ARHGAP44: variants seen among roughly 807,000 people sequenced by gnomAD.
The protein encoded by ARHGAP44 is rho GTPase-activating protein 44.
Under a neutral mutation model 106.8 loss-of-function variants are expected in ARHGAP44, and 43 were observed. That is an observed-to-expected ratio of 0.40 (90% CI 0.32 to 0.52). The LOEUF is 0.52. Ranked by LOEUF, ARHGAP44 falls within the 20% of genes least tolerant of loss-of-function variation. The pLI is 0.48. For synonymous variants in ARHGAP44, 439 were observed against 410.3 expected, an observed-to-expected ratio of 1.07 and a Z score of -0.85; for missense variants, 866 against 1,050.5, an observed-to-expected ratio of 0.82 and a Z score of 2.43.
intron 1 of ARHGAP44, among the ~76,000 whole-genome samples, chr17:12,867,618 C>T (rs2036270587): frequency 6.6e-6 from 1 of 152,136 alleles, no homozygotes; most frequent in Admixed American, 6.5e-5. Flanking sequence ...AAGGACAGTA[C>T]CCAGAACATT....
intron 1 of ARHGAP44, among the ~76,000 whole-genome samples, chr17:12,819,297 T>G (rs1009644110): frequency 6.6e-6 from 1 of 152,132 alleles, no homozygotes; most frequent in Non-Finnish European, 1.5e-5. Flanking sequence ...TTTAAGTATT[T>G]TGTTGCTCAA....
At chr17:12,916,604 C>T (rs1189871838) in intron 5 of ARHGAP44, among the ~76,000 whole-genome samples, 5 of 152,282 alleles carry the variant, frequency 3.3e-5, no homozygotes, top group Non-Finnish European at 5.9e-5. Flanking sequence ...AGGCTGGTCT[C>T]GAACTCCTGA....
At chr17:12,815,803 C>T (rs946291798) in intron 1 of ARHGAP44, among the ~76,000 whole-genome samples, 3 of 152,074 alleles carry the variant, frequency 2.0e-5, no homozygotes, top group Non-Finnish European at 2.9e-5. Flanking sequence ...GAAAGTGAGC[C>T]GTTAAGAATA....
Position 12,973,565 on chromosome 17 carries a change from C to T in ARHGAP44, c.1541+246C>T, listed in dbSNP as rs998011950. ...CAGAGGTGTGCCTTGGCCAGGGTCC[C>T]AGCAGTGGTGGAGCTGGGGCTAGAC... On this transcript the variant is annotated intron_variant, in intron 17 of 20. Coordinates refer to ENST00000379672, the MANE Select transcript of ARHGAP44 (RefSeq NM_014859.6). 277 of 553,970 alleles carry T rather than the reference C, an allele frequency of 5.0e-4. 2 individuals are homozygous for T. The highest frequency in any genetic ancestry group is 2.5e-4 in the Non-Finnish European group (79 of 315,148). The allele number at this position is 553,970 out of a possible 1,614,324, so 34.3% of individuals were successfully genotyped here.
chr17:12,806,938 G>A (rs1378559477), intron 1 of ARHGAP44, among the ~76,000 whole-genome samples: 1 of 152,150 alleles, frequency 6.6e-6, no homozygotes, highest in African/African-American at 2.4e-5. Context: ...AAAAATATTT[G>A]ATTGATTGAA....
intron 10 of ARHGAP44, among the ~76,000 whole-genome samples, chr17:12,948,683 CAAAAAT>C (rs1295767451): frequency 7.0e-6 from 1 of 143,778 alleles, no homozygotes; most frequent in East Asian, 2.1e-4. Context: ...AACAAATAAA[CAAAAAT>C]AAAAAGTATA....
chr17:12,873,387 C>G (rs2150886204), intron 1 of ARHGAP44, among the ~76,000 whole-genome samples: 1 of 152,280 alleles, frequency 6.6e-6, no homozygotes, highest in East Asian at 1.9e-4. Flanking sequence ...GTGAGTATTT[C>G]TGTACTTAGG....
At chr17:12,909,078 ACTTTAGTGG>A in intron 4 of ARHGAP44, 105 bp downstream of exon 4, 1 of 986,530 alleles carries the variant, frequency 1.0e-6, no homozygotes, top group Non-Finnish European at 1.5e-6. Context: ...CTCACTGGGG[ACTTTAGTGG>A]AAAAAAGGAA....
chr17:12,989,121 AAAAAC>A (rs2040041718), intron 20 of ARHGAP44, among the ~76,000 whole-genome samples: 1 of 149,090 alleles, frequency 6.7e-6, no homozygotes, highest in African/African-American at 2.5e-5. Context: ...AAAAAAAAAA[AAAAAC>A]TAAGCAGGCG....
chr17:12,815,823 T>C (rs894709140), intron 1 of ARHGAP44, among the ~76,000 whole-genome samples: 2 of 152,086 alleles, frequency 1.3e-5, no homozygotes, highest in African/African-American at 4.8e-5. Context: ...AGTTCAGAGT[T>C]AAATAAGGAG....
rs150008479 is a variant in ARHGAP44, at chr17:12,799,534, C to T, written c.53+9643C>T. Reference sequence around the variant, plus strand: ...GGAATTCACAAACGTCACTTATGTTCACTTTTCATGGGCCAGTACTAGTTC... The same window carrying T: ...GGAATTCACAAACGTCACTTATGTTTACTTTTCATGGGCCAGTACTAGTTC... On this transcript the variant is annotated intron_variant, in intron 1 of 20. Transcript: ENST00000379672. 2.0e-5 allele frequency among the ~76,000 whole-genome samples: 3 copies of T among 152,242 alleles called. No homozygotes were observed. In the East Asian group the frequency reaches 5.8e-4, roughly 29 times the overall value.
intron 1 of ARHGAP44, among the ~76,000 whole-genome samples, chr17:12,861,644 C>CCTTTTTTTTTTTTTTT (rs113766926): frequency 1.5e-5 from 1 of 67,754 alleles, no homozygotes; most frequent in Non-Finnish European, 2.9e-5. Flanking sequence ...TCCTCTTCCA[C>CCTTTTTTTTTTTTTTT]TTTTTTTTTT....
intron 1 of ARHGAP44, among the ~76,000 whole-genome samples, chr17:12,827,378 G>A (rs1443582636): frequency 6.6e-6 from 1 of 151,868 alleles, no homozygotes; most frequent in Non-Finnish European, 1.5e-5. Flanking sequence ...ATCATTATAA[G>A]GATGATAAGA....
rs529912483 is a variant in ARHGAP44 at position 12,990,437 on chromosome 17, T to G, written c.*266T>G. ...GACTTTGTGCCTCTTTTGATCCACTTTCAGCCTCCATGCCAGAAAACACCC... is the reference window on the plus strand; with the variant it reads ...GACTTTGTGCCTCTTTTGATCCACTGTCAGCCTCCATGCCAGAAAACACCC... On this transcript the variant is annotated 3_prime_UTR_variant, in exon 21 of 21. Transcript: ENST00000379672. The G allele has an allele frequency of 7.4e-6, 3 of 406,708 alleles. No individual in the cohort carries two copies. The highest frequency in any genetic ancestry group is 1.4e-5 in the Non-Finnish European group (3 of 216,146). 25.2% of individuals were successfully genotyped at this position (406,708 alleles called of 1,614,324 possible). A position where few individuals can be genotyped will look rare whatever the true frequency, so the allele number is the denominator to read the frequency against.
intron 1 of ARHGAP44, among the ~76,000 whole-genome samples, chr17:12,835,518 G>A (rs2035211787): frequency 6.6e-6 from 1 of 152,064 alleles, no homozygotes; most frequent in Admixed American, 6.6e-5. Context: ...GACTTAAAAA[G>A]ATAAAATGAG....
At chr17:12,944,293 G>T (rs954066134) in intron 10 of ARHGAP44, 97 bp downstream of exon 10, 66 of 1,407,434 alleles carry the variant, frequency 4.7e-5, no homozygotes, top group Non-Finnish European at 5.6e-5. Flanking sequence ...CTCCACTCCG[G>T]CCCCCACGAA....
intron 6 of ARHGAP44, among the ~76,000 whole-genome samples, chr17:12,922,831 C>A (rs1380843388): frequency 2.0e-5 from 3 of 151,976 alleles, no homozygotes; most frequent in African/African-American, 7.2e-5. Context: ...ACTCCTCTAG[C>A]AGGAACACTA....
At position 12,943,980 on chromosome 17, in the gene ARHGAP44, G is replaced by A; in HGVS notation, c.734-89G>A. On this transcript the variant is annotated intron_variant, in intron 9 of 20. Transcript: ENST00000379672. ...GGCCTCCCTCTCTTTGGTAATCTTA[G>A]GAGAATCTGGACAACAAAGGAAAGC... The A allele has an allele frequency of 2.1e-6, 3 of 1,446,410 alleles. No homozygotes were observed. The South Asian group carries it at 4.3e-5, about 21-fold the overall frequency. 89.6% of individuals were successfully genotyped at this position (1,446,410 alleles called of 1,614,324 possible). A position where few individuals can be genotyped will look rare whatever the true frequency, so the allele number is the denominator to read the frequency against.
chr17:12,842,430 A>AAAAG (rs1428323092), intron 1 of ARHGAP44, among the ~76,000 whole-genome samples: 4 of 141,612 alleles, frequency 2.8e-5, no homozygotes, highest in African/African-American at 9.0e-5. Flanking sequence ...AAAAAAAAAA[A>AAAAG]AAAGAAAGAA....
Sources: allele counts gnomAD v4.1 joint callset (sites outside exome capture counted in the v4.1 genomes callset), GRCh38; gene constraint gnomAD v4.1.1; transcripts MANE v1.5; gene names NCBI Gene and HGNC (gene_info 2026-07-23, HGNC 2026-07-21).